The following RALB variants were observed in gnomAD, a reference collection of about 807,000 sequenced individuals.
RALB encodes RAS like proto-oncogene B.
RALB carries 16 observed loss-of-function variants against 21.3 expected under a neutral mutation model. That is an observed-to-expected ratio of 0.75 (90% CI 0.51 to 1.14). The LOEUF (loss-of-function observed/expected upper bound fraction) is 1.14. Ranked by LOEUF, RALB falls within the 50% of genes most tolerant of loss-of-function variation. The pLI is 0.00. For missense variants in RALB, 161 were observed against 256.2 expected, an observed-to-expected ratio of 0.63 and a Z score of 2.54; for synonymous variants, 93 against 96.1, an observed-to-expected ratio of 0.97 and a Z score of 0.19.
At chr2:120,272,132 C>T (rs1689679335) in intron 1 of RALB, among the ~76,000 whole-genome samples, 1 of 152,162 alleles carries the variant, frequency 6.6e-6, no homozygotes, top group Non-Finnish European at 1.5e-5. Flanking sequence ...GGCTCCCTTC[C>T]TGCCTTATAA....
At chr2:120,242,023 TG>T (rs554809621) in intron 1 of RALB, among the ~76,000 whole-genome samples, 11 of 152,144 alleles carry the variant, frequency 7.2e-5, no homozygotes, top group Non-Finnish European at 1.6e-4. Flanking sequence ...CCAGTGTCCA[TG>T]GGCAGGTGAG....
chr2:120,259,947 C>T (rs747190417), intron 1 of RALB, among the ~76,000 whole-genome samples: 5 of 152,202 alleles, frequency 3.3e-5, no homozygotes, highest in South Asian at 2.1e-4. Context: ...GCCGGTGGGC[C>T]AGCACTGCTG....
rs1331640794 is a variant in RALB at position 120,294,053 on chromosome 2, C to T, written c.*793C>T. On this transcript the variant is annotated 3_prime_UTR_variant, in exon 5 of 5. Transcript: ENST00000272519. ...CCACTTGTGTAGATATTTTTAAGTTCTTTGGCTAAGTCCTCTCCTAACTGC... is the reference window on the plus strand; with the variant it reads ...CCACTTGTGTAGATATTTTTAAGTTTTTTGGCTAAGTCCTCTCCTAACTGC... The T allele has an allele frequency of 2.5e-6, 1 of 397,976 alleles. No individual in the cohort carries two copies. The highest frequency in any genetic ancestry group is 2.1e-5 in the African/African-American group (1 of 48,614). The allele number at this position is 397,976 out of a possible 1,614,324, so 24.7% of individuals were successfully genotyped here.
rs1385428466 is a variant in RALB at position 120,252,945 on chromosome 2, G to C, written c.-83G>C. The C allele has an allele frequency of 2.0e-6, 2 of 985,780 alleles. No homozygotes were observed. Among genetic ancestry groups the C allele is most frequent in the South Asian group, 4.7e-5 (1 of 21,350 alleles). The allele number at this position is 985,780 out of a possible 1,614,324, so 61.1% of individuals were successfully genotyped here. ...GGGGCGCGTTTAAGAGCTGCGGGCC[G>C]GGTGCGGACGGCGGAGGCGGCGGGA... is the stretch of plus-strand genomic sequence containing the variant. On this transcript the variant is annotated 5_prime_UTR_variant, in exon 1 of 5. Coordinates refer to ENST00000272519, the MANE Select transcript of RALB (RefSeq NM_002881.3).
At chr2:120,284,997 G>T (rs1302065094) in intron 2 of RALB, among the ~76,000 whole-genome samples, 1 of 152,132 alleles carries the variant, frequency 6.6e-6, no homozygotes, top group Non-Finnish European at 1.5e-5. Flanking sequence ...ACCACTGAAA[G>T]CCTCTTGGTA....
At chr2:120,292,619 C>CT (rs1690331391) in intron 4 of RALB, among the ~76,000 whole-genome samples, 1 of 152,136 alleles carries the variant, frequency 6.6e-6, no homozygotes, top group African/African-American at 2.4e-5. Context: ...AAAAATATGT[C>CT]TTACCCTTCA....
At chr2:120,287,850 T>G (rs1000892600) in intron 3 of RALB, among the ~76,000 whole-genome samples, 1 of 152,176 alleles carries the variant, frequency 6.6e-6, no homozygotes, top group African/African-American at 2.4e-5. Context: ...GTTTCTCATG[T>G]TGTTGGGAAC....
intron 2 of RALB, among the ~76,000 whole-genome samples, chr2:120,279,001 C>T (rs72843017): frequency 0.22 from 33,936 of 152,182 alleles, 5,014 homozygotes; most frequent in Middle Eastern, 0.36. Context: ...TGAGAGATCT[C>T]TGCTTGCATC....
chr2:120,282,614 G>A (rs1243359512), intron 2 of RALB, among the ~76,000 whole-genome samples: 1 of 151,986 alleles, frequency 6.6e-6, no homozygotes, highest in African/African-American at 2.4e-5. Flanking sequence ...CAGAAGATTC[G>A]AGAGTTTTTT....
intron 2 of RALB, among the ~76,000 whole-genome samples, chr2:120,280,481 A>T (rs1390571258): frequency 6.7e-6 from 1 of 148,862 alleles, no homozygotes. Context: ...ATTCTCACTC[A>T]TAAGTGGGAG....
intron 1 of RALB, among the ~76,000 whole-genome samples, chr2:120,264,147 C>CTATT (rs1167060142): frequency 3.6e-4 from 54 of 149,990 alleles, no homozygotes; most frequent in East Asian, 3.6e-3. Flanking sequence ...CTGCGCTAGC[C>CTATT]TATTTATTTA....
At chr2:120,254,867 G>A (rs1219712381) in intron 1 of RALB, among the ~76,000 whole-genome samples, 1 of 152,050 alleles carries the variant, frequency 6.6e-6, no homozygotes, top group Non-Finnish European at 1.5e-5. Context: ...GTAGAGATGG[G>A]GTTTCACCAT....
At chr2:120,266,690 G>A (rs1689510565) in intron 1 of RALB, among the ~76,000 whole-genome samples, 1 of 152,136 alleles carries the variant, frequency 6.6e-6, no homozygotes, top group African/African-American at 2.4e-5. Context: ...CAGTCTGGGC[G>A]ACAGAATGAG....
In RALB at chr2:120,294,185, C is replaced by G. The variant is rs771098357; in HGVS notation, c.*925C>G. On this transcript the variant is annotated 3_prime_UTR_variant, in exon 5 of 5. Transcript: ENST00000272519. The stretch of plus-strand genomic sequence containing the variant: ...CTAGTGAGCCTCTTGCTAAGTGTCA[C>G]ACACACTCTTCCCAAAGACGTGATG... 2.5e-6 allele frequency: 1 copy of G among 398,598 alleles called. No homozygotes were observed. Among genetic ancestry groups the G allele is most frequent in the Non-Finnish European group, 4.4e-6 (1 of 226,062 alleles). 24.7% of individuals were successfully genotyped at this position (398,598 alleles called of 1,614,324 possible). A position where few individuals can be genotyped will look rare whatever the true frequency, so the allele number is the denominator to read the frequency against.
chr2:120,279,129 C>G (rs1234133738), intron 2 of RALB, among the ~76,000 whole-genome samples: 1 of 152,130 alleles, frequency 6.6e-6, no homozygotes, highest in Admixed American at 6.5e-5. Flanking sequence ...GTCAGTCAAT[C>G]GCGAAGTGAA....
chr2:120,257,998 T>C (rs1573324713), intron 1 of RALB, among the ~76,000 whole-genome samples: 2 of 152,378 alleles, frequency 1.3e-5, no homozygotes, highest in East Asian at 3.9e-4. Flanking sequence ...GTCACTTTCC[T>C]CATGTGCATT....
At chr2:120,257,445 TCCTGAG>T (rs368871318) in intron 1 of RALB, among the ~76,000 whole-genome samples, 32 of 152,192 alleles carry the variant, frequency 2.1e-4, no homozygotes, top group Non-Finnish European at 4.3e-4. Flanking sequence ...AGTTTCTGGA[TCCTGAG>T]CCTGAGCCTG....
intron 4 of RALB, 81 bp downstream of exon 4, chr2:120,289,838 G>T: frequency 7.4e-7 from 1 of 1,344,774 alleles, no homozygotes; most frequent in Non-Finnish European, 9.9e-7. Flanking sequence ...TGGGTTTTAG[G>T]GAACCATTTA....
chr2:120,252,797 C>G (rs1350931688), upstream of RALB: 1 of 985,492 alleles, frequency 1.0e-6, no homozygotes, highest in African/African-American at 1.7e-5. Context: ...AGCGAGGGCG[C>G]GCTCTCGAGA....
Sources: gnomAD v4.1 joint callset for allele counts (sites outside exome capture counted in the v4.1 genomes callset) on GRCh38, gnomAD v4.1.1 for gene constraint, MANE v1.5 for transcripts, NCBI Gene and HGNC (gene_info 2026-07-23, HGNC 2026-07-21) for gene names.